CCNJL: variants seen among roughly 807,000 people sequenced by gnomAD.
CCNJL encodes the protein cyclin-J-like protein.
A neutral mutation model predicts 33.4 loss-of-function variants in CCNJL; 33 were observed. That is an observed-to-expected ratio of 0.99 (90% CI 0.75 to 1.32). The LOEUF (loss-of-function observed/expected upper bound fraction) is 1.32. Ranked by LOEUF, CCNJL falls within the 40% of genes most tolerant of loss-of-function variation. CCNJL has a pLI of 0.00. For synonymous variants in CCNJL, 227 were observed against 220.9 expected, an observed-to-expected ratio of 1.03 and a Z score of -0.24; for missense variants, 512 against 499.7, an observed-to-expected ratio of 1.02 and a Z score of -0.23.
chr5:160,289,987 C>T (rs1370137019), intron 2 of CCNJL, among the ~76,000 whole-genome samples: 1 of 152,142 alleles, frequency 6.6e-6, no homozygotes, highest in Admixed American at 6.5e-5. Context: ...TGCTGCATAG[C>T]CGGGGAGGGG....
chr5:160,324,152 C>T (rs942155719), intron 1 of CCNJL, among the ~76,000 whole-genome samples: 3 of 152,186 alleles, frequency 2.0e-5, no homozygotes, highest in African/African-American at 7.2e-5. Flanking sequence ...TTGACTTATA[C>T]AAAGGGTATG....
chr5:160,275,746 G>A (rs1314595454), intron 3 of CCNJL, among the ~76,000 whole-genome samples: 3 of 152,142 alleles, frequency 2.0e-5, no homozygotes, highest in African/African-American at 7.2e-5. Flanking sequence ...CTAGCAAAAG[G>A]TCACCTCTTG....
Position 160,253,411 on chromosome 5 carries a change from G to T in CCNJL, c.1131C>A (p.Ser377Arg). The stretch of plus-strand genomic sequence containing the variant: ...CAAAGCAGCCGGTGGGGAACATGTG[G>T]CTCCCACTGAAGTAGCTGCTTCCAT... ...TTYGSSYFSG[S>R]HMFPTGCFDR Residue 377 changes from serine (S) to arginine (R), a missense_variant, in exon 6 of 6, where the codon AGC (serine) becomes AGA (arginine). Coordinates refer to ENST00000257536, the MANE Select transcript of CCNJL (RefSeq NM_001308173.3). 6.3e-7 allele frequency: 1 copy of T among 1,597,632 alleles called. No homozygotes were observed. The highest frequency in any genetic ancestry group is 1.7e-4 in the Middle Eastern group (1 of 5,990).
At chr5:160,309,050 G>GA (rs1439671602) in intron 2 of CCNJL, among the ~76,000 whole-genome samples, 1 of 152,234 alleles carries the variant, frequency 6.6e-6, no homozygotes, top group Non-Finnish European at 1.5e-5. Flanking sequence ...GACAAGGTCA[G>GA]AGAGCAGGCC....
At chr5:160,323,403 T>A (rs6870145) in intron 1 of CCNJL, among the ~76,000 whole-genome samples, 4,343 of 152,274 alleles carry the variant, frequency 0.029, 194 homozygotes, top group African/African-American at 0.098. Context: ...CTCAAAAATA[T>A]TTTTACTAGC....
At chr5:160,254,861 C>G (rs556616145) in intron 5 of CCNJL, 2 of 152,856 alleles carry the variant, frequency 1.3e-5, no homozygotes, top group Non-Finnish European at 2.9e-5. Context: ...GGGGAGCTTA[C>G]TGGCTAAGAG....
intron 1 of CCNJL, among the ~76,000 whole-genome samples, chr5:160,318,536 C>T (rs1400186594): frequency 6.6e-6 from 1 of 152,226 alleles, no homozygotes; most frequent in Non-Finnish European, 1.5e-5. Context: ...GACCGGGGAA[C>T]CCTATCATAT....
Position 160,259,452 on chromosome 5 carries a change from C to T in CCNJL, c.583+17G>A, listed in dbSNP as rs370849118. ...GGGAAGGGGTGGGAGGTCCTGCCAT[C>T]GGGTCCCAGCTGTCACCTTGCAGGG... is the stretch of plus-strand genomic sequence containing the variant. On this transcript the variant is annotated intron_variant, in intron 4 of 5. Coordinates refer to ENST00000257536, the MANE Select transcript of CCNJL (RefSeq NM_001308173.3). 3.8e-5 allele frequency: 60 copies of T among 1,594,500 alleles called. 1 individual carries two copies. The African/African-American group carries it at 6.0e-4, about 16-fold the overall frequency.
At chr5:160,268,403 A>G (rs1448230035) in intron 3 of CCNJL, among the ~76,000 whole-genome samples, 1 of 152,242 alleles carries the variant, frequency 6.6e-6, no homozygotes, top group African/African-American at 2.4e-5. Flanking sequence ...TGAAATGGGA[A>G]GAAGACAAGT....
intron 1 of CCNJL, among the ~76,000 whole-genome samples, chr5:160,331,588 C>A (rs1004521081): frequency 6.6e-6 from 1 of 152,198 alleles, no homozygotes; most frequent in Non-Finnish European, 1.5e-5. Context: ...TTTCCAGATT[C>A]CATTCCAAAG....
At chr5:160,325,273 T>C (rs541994813) in intron 1 of CCNJL, among the ~76,000 whole-genome samples, 34 of 152,216 alleles carry the variant, frequency 2.2e-4, no homozygotes, top group Non-Finnish European at 8.8e-5. Context: ...CAATTGTTAA[T>C]GGGCATTGCT....
At chr5:160,320,996 TTC>T (rs138268750) in intron 1 of CCNJL, among the ~76,000 whole-genome samples, 1,693 of 96,996 alleles carry the variant, frequency 0.017, 116 homozygotes, top group Middle Eastern at 0.033. Flanking sequence ...CTTTCTTTCT[TTC>T]TCTCTCTCTC....
chr5:160,284,724 G>A (rs979501811), intron 2 of CCNJL, among the ~76,000 whole-genome samples: 1 of 152,214 alleles, frequency 6.6e-6, no homozygotes, highest in Non-Finnish European at 1.5e-5. Flanking sequence ...TTTGCTCATG[G>A]AAGGCTCTCA....
In CCNJL at chr5:160,249,328, T is replaced by C. The variant is rs1023629967; in HGVS notation, c.*4050A>G. 1.5e-4 allele frequency: 23 copies of C among 152,204 alleles called. No homozygotes were observed. Among genetic ancestry groups the C allele is most frequent in the African/African-American group, 5.5e-4 (23 of 41,446 alleles). 9.4% of individuals were successfully genotyped at this position (152,204 alleles called of 1,614,324 possible). A position where few individuals can be genotyped will look rare whatever the true frequency, so the allele number is the denominator to read the frequency against. Reference sequence around the variant, plus strand: ...AAATAATTTTAAAAGGTGGAAAAAGTTCTATTATGTTGACATGCTTAAATA... The same window carrying C: ...AAATAATTTTAAAAGGTGGAAAAAGCTCTATTATGTTGACATGCTTAAATA... On this transcript the variant is annotated 3_prime_UTR_variant, in exon 6 of 6. Coordinates refer to ENST00000257536, the MANE Select transcript of CCNJL (RefSeq NM_001308173.3).
In CCNJL at chr5:160,259,629, G is replaced by T. The variant is rs755251069; in HGVS notation, c.423C>A (p.Asn141Lys). 1 of 1,614,090 alleles carries T rather than the reference G, an allele frequency of 6.2e-7. No individual in the cohort carries two copies. The highest frequency in any genetic ancestry group is 8.5e-7 in the Non-Finnish European group (1 of 1,180,054). The change falls in exon 4 of 6, where the codon AAC becomes AAA. Residue 141 changes from asparagine (N) to lysine (K), a missense_variant. Physicochemically the swap from Asn to Lys is moderately conservative, Grantham distance 94. Coordinates refer to ENST00000257536, the MANE Select transcript of CCNJL (RefSeq NM_001308173.3). ...AGTGGGCAGGCGTGGGCAGGCAGAG[G>T]TTCCAGCTGAAGGCCTCCAGGAGCA... ...ELLLLEAFSW[N>K]LCLPTPAHFL...
chr5:160,269,677 C>T, intron 3 of CCNJL: 1 of 352,316 alleles, frequency 2.8e-6, no homozygotes, highest in South Asian at 2.1e-5. Flanking sequence ...AGCACAAATG[C>T]TGCTCTGCTG....
rs933388319 is a variant in CCNJL at position 160,255,446 on chromosome 5, C to T, written c.743+103G>A. On this transcript the variant is annotated intron_variant, in intron 5 of 5. Transcript: ENST00000257536. The stretch of plus-strand genomic sequence containing the variant: ...TGAGACCCTGTAGCTGGAAGAACCA[C>T]CACAAGTTCCAGACTCTGGAAACTG... 3 of 1,071,054 alleles carry T rather than the reference C, an allele frequency of 2.8e-6. No individual in the cohort carries two copies. The Admixed American group carries it at 6.4e-5, about 23-fold the overall frequency. The allele number at this position is 1,071,054 out of a possible 1,614,324, so 66.3% of individuals were successfully genotyped here. A position where few individuals can be genotyped will look rare whatever the true frequency, so the allele number is the denominator to read the frequency against.
intron 1 of CCNJL, among the ~76,000 whole-genome samples, chr5:160,339,224 G>A (rs1763719251): frequency 6.7e-6 from 1 of 150,276 alleles, no homozygotes. Flanking sequence ...TCCAAGACAT[G>A]GATAATACTT....
At chr5:160,317,154 G>A (rs577772292), upstream of CCNJL, among the ~76,000 whole-genome samples, 19 of 152,218 alleles carry the variant, frequency 1.2e-4, no homozygotes, top group African/African-American at 3.9e-4. Flanking sequence ...ATTTTTAATC[G>A]TGTGCTCTAC....
Sources: allele counts gnomAD v4.1 joint callset (sites outside exome capture counted in the v4.1 genomes callset), GRCh38; gene constraint gnomAD v4.1.1; transcripts MANE v1.5; gene names NCBI Gene and HGNC (gene_info 2026-07-23, HGNC 2026-07-21).